The following ADCY2 variants were observed in gnomAD, a reference collection of about 807,000 sequenced individuals.
ADCY2 encodes the protein adenylate cyclase type 2.
In ADCY2, 31 loss-of-function variants were observed where a neutral mutation model predicts 125.2. That is an observed-to-expected ratio of 0.25 (90% CI 0.19 to 0.33). ADCY2 has a LOEUF of 0.33. ADCY2 is among the 10% of genes least tolerant of loss of function. The probability of loss-of-function intolerance (pLI) is 1.00; values close to 1 mark genes in which losing one functional copy is unlikely to be tolerated. For missense variants in ADCY2, 904 were observed against 1,418.2 expected (o/e 0.64, Z 5.82); for synonymous variants, 512 against 548.4 (o/e 0.93, Z 0.93).
chr5:7,527,786 T>C (rs1257456495), intron 3 of ADCY2, among the ~76,000 whole-genome samples: 1 of 152,220 alleles, frequency 6.6e-6, no homozygotes, highest in Non-Finnish European at 1.5e-5. Flanking sequence ...GGATTTGTTA[T>C]GTAACTGAGT....
intron 11 of ADCY2, among the ~76,000 whole-genome samples, chr5:7,714,008 G>A (rs1467300157): frequency 6.6e-6 from 1 of 152,170 alleles, no homozygotes; most frequent in Admixed American, 6.6e-5. Context: ...CCGTTGGGAT[G>A]AGCTCTAATT....
intron 2 of ADCY2, among the ~76,000 whole-genome samples, chr5:7,465,080 A>G (rs1246262962): frequency 2.0e-5 from 3 of 152,204 alleles, no homozygotes; most frequent in Non-Finnish European, 4.4e-5. Context: ...TACTATGAGA[A>G]CAGTATGGGG....
chr5:7,540,211 G>A (rs1024920513), intron 3 of ADCY2, among the ~76,000 whole-genome samples: 35 of 152,042 alleles, frequency 2.3e-4, no homozygotes, highest in African/African-American at 7.2e-4. Flanking sequence ...GAGAGGATCA[G>A]GAAAAATAAC....
chr5:7,557,173 T>A (rs1735546568), intron 3 of ADCY2, among the ~76,000 whole-genome samples: 2 of 97,526 alleles, frequency 2.1e-5, no homozygotes, highest in African/African-American at 3.4e-5. Context: ...TATATAATAA[T>A]CACACATATT....
chr5:7,408,643 C>T (rs1285574015), intron 1 of ADCY2, among the ~76,000 whole-genome samples: 5 of 150,148 alleles, frequency 3.3e-5, no homozygotes, highest in African/African-American at 9.8e-5. Flanking sequence ...GCTGGGATTA[C>T]AGGCGTGAGC....
rs559750839 is a variant in ADCY2, at chr5:7,491,442, T to C, written c.409-29296T>C. Among the ~76,000 whole-genome samples, 296 of 152,248 alleles carry C rather than the reference T, an allele frequency of 1.9e-3. 1 individual carries two copies. The highest frequency in any genetic ancestry group is 3.4e-3 in the Non-Finnish European group (233 of 68,014). On this transcript the variant is annotated intron_variant, in intron 2 of 24. Coordinates refer to ENST00000338316, the MANE Select transcript of ADCY2 (RefSeq NM_020546.3). The stretch of plus-strand genomic sequence containing the variant: ...TTATCACATTACCTACTTTCTTCCA[T>C]TTATCTTTGTGTTTGTAAGAGGACT...
At chr5:7,660,654 A>G (rs2126692632) in intron 4 of ADCY2, among the ~76,000 whole-genome samples, 1 of 152,234 alleles carries the variant, frequency 6.6e-6, no homozygotes, top group Non-Finnish European at 1.5e-5. Flanking sequence ...TTGGAGGTAG[A>G]ATTCTTTCTT....
intron 2 of ADCY2, among the ~76,000 whole-genome samples, chr5:7,416,621 G>A (rs1343697347): frequency 6.6e-6 from 1 of 152,146 alleles, no homozygotes; most frequent in Non-Finnish European, 1.5e-5. Flanking sequence ...TCAACTAACA[G>A]AACTCATAAG....
intron 3 of ADCY2, among the ~76,000 whole-genome samples, chr5:7,553,170 C>T (rs1735391491): frequency 6.6e-6 from 1 of 152,198 alleles, no homozygotes; most frequent in African/African-American, 2.4e-5. Flanking sequence ...TCAGTGTGAA[C>T]CCACGATCTC....
chr5:7,772,130 A>C (rs1743575430), intron 17 of ADCY2, among the ~76,000 whole-genome samples: 1 of 152,220 alleles, frequency 6.6e-6, no homozygotes, highest in Non-Finnish European at 1.5e-5. Context: ...TCATGCGGAC[A>C]CTGTGATATA....
intron 3 of ADCY2, among the ~76,000 whole-genome samples, chr5:7,603,664 T>C (rs924447249): frequency 6.6e-6 from 1 of 152,082 alleles, no homozygotes; most frequent in African/African-American, 2.4e-5. Flanking sequence ...TACCCACAGA[T>C]GTTCTAATAA....
chr5:7,825,673 AG>A (rs1300516838), intron 24 of ADCY2, among the ~76,000 whole-genome samples: 1 of 152,210 alleles, frequency 6.6e-6, no homozygotes, highest in East Asian at 1.9e-4. Context: ...TAGCCAACAG[AG>A]GGGTCTTCCC....
intron 2 of ADCY2, among the ~76,000 whole-genome samples, chr5:7,490,262 T>C (rs1275111774): frequency 6.6e-6 from 1 of 152,212 alleles, no homozygotes; most frequent in Non-Finnish European, 1.5e-5. Flanking sequence ...ATTAATACCA[T>C]GGTTTATATC....
chr5:7,620,908 A>AC (rs375284201), intron 3 of ADCY2, among the ~76,000 whole-genome samples: 6 of 152,116 alleles, frequency 3.9e-5, no homozygotes, highest in African/African-American at 1.4e-4. Context: ...AAAAAAAAAA[A>AC]ACTGTCATTA....
intron 2 of ADCY2, among the ~76,000 whole-genome samples, chr5:7,452,871 CAT>C (rs1741525619): frequency 6.6e-6 from 1 of 151,980 alleles, no homozygotes; most frequent in Non-Finnish European, 1.5e-5. Context: ...ACATTTTTTT[CAT>C]ATGTTTGTTA....
At chr5:7,689,849 G>A (rs972631014) in intron 4 of ADCY2, among the ~76,000 whole-genome samples, 2 of 152,064 alleles carry the variant, frequency 1.3e-5, no homozygotes, top group South Asian at 2.1e-4. Flanking sequence ...AGAATATGAT[G>A]CTTTCTAAAA....
intron 4 of ADCY2, among the ~76,000 whole-genome samples, chr5:7,639,647 T>C (rs1032613115): frequency 1.3e-5 from 2 of 152,224 alleles, no homozygotes; most frequent in African/African-American, 4.8e-5. Context: ...AATGCAATTT[T>C]TGCATACTCC....
intron 3 of ADCY2, among the ~76,000 whole-genome samples, chr5:7,557,631 T>C (rs1431091046): frequency 1.3e-5 from 2 of 152,198 alleles, no homozygotes; most frequent in African/African-American, 4.8e-5. Context: ...TTTGTTTTTC[T>C]GTTCTTGTGT....
At chr5:7,593,115 C>T (rs931204770) in intron 3 of ADCY2, among the ~76,000 whole-genome samples, 1 of 152,106 alleles carries the variant, frequency 6.6e-6, no homozygotes, top group East Asian at 1.9e-4. Context: ...AGCTGCCCAG[C>T]GCCCTCTGGG....
Sources: allele counts gnomAD v4.1 joint callset (sites outside exome capture counted in the v4.1 genomes callset), GRCh38; gene constraint gnomAD v4.1.1; transcripts MANE v1.5; gene names NCBI Gene and HGNC (gene_info 2026-07-23, HGNC 2026-07-21).